NAALADL2: variants seen among roughly 807,000 people sequenced by gnomAD.
NAALADL2 encodes inactive N-acetylated-alpha-linked acidic dipeptidase-like protein 2.
In NAALADL2, 76 loss-of-function variants were observed where a neutral mutation model predicts 87.2. That is an observed-to-expected ratio of 0.87 (90% CI 0.72 to 1.05). The LOEUF (loss-of-function observed/expected upper bound fraction) is 1.05, where lower values mean the gene tolerates loss of function less well. Ranked by LOEUF, NAALADL2 falls within the 50% of genes least tolerant of loss-of-function variation. The probability of loss-of-function intolerance (pLI) is 0.00; values close to 1 mark genes in which losing one functional copy is unlikely to be tolerated. For synonymous variants in NAALADL2, 354 were observed against 331.0 expected (o/e 1.07, Z -0.75); for missense variants, 1,089 against 945.8 (o/e 1.15, Z -1.99).
intron 5 of NAALADL2, among the ~76,000 whole-genome samples, chr3:175,353,107 A>AAT (rs939017767): frequency 8.1e-6 from 1 of 123,878 alleles, no homozygotes; most frequent in Non-Finnish European, 1.8e-5. Flanking sequence ...CATTTAATAA[A>AAT]ATGTGTGTGT....
At chr3:175,173,915 T>C (rs1268798389) in intron 2 of NAALADL2, among the ~76,000 whole-genome samples, 1 of 152,208 alleles carries the variant, frequency 6.6e-6, no homozygotes, top group Non-Finnish European at 1.5e-5. Flanking sequence ...AATATTTTAA[T>C]AACAGACTTG....
At chr3:174,586,494 G>C (rs1285841747) in intron 2 of NAALADL2, among the ~76,000 whole-genome samples, 1 of 152,122 alleles carries the variant, frequency 6.6e-6, no homozygotes, top group Non-Finnish European at 1.5e-5. Context: ...GAGACCACAG[G>C]GTTTACTAAG....
chr3:175,157,540 C>T (rs1422829479), intron 2 of NAALADL2, among the ~76,000 whole-genome samples: 1 of 152,040 alleles, frequency 6.6e-6, no homozygotes, highest in Non-Finnish European at 1.5e-5. Flanking sequence ...AATTAAACAA[C>T]TCTGAATTAG....
chr3:174,890,164 G>C (rs895747401), intron 1 of NAALADL2, among the ~76,000 whole-genome samples: 1 of 146,294 alleles, frequency 6.8e-6, no homozygotes, highest in Non-Finnish European at 1.5e-5. Flanking sequence ...TAATGAAATA[G>C]ATTATGTATA....
intron 3 of NAALADL2, among the ~76,000 whole-genome samples, chr3:174,839,352 A>T (rs1723744112): frequency 6.6e-6 from 1 of 152,214 alleles, no homozygotes. Flanking sequence ...CTCAAGATGG[A>T]TCAAGGACTT....
intron 13 of NAALADL2, among the ~76,000 whole-genome samples, chr3:175,766,456 G>A (rs1015054158): frequency 2.6e-5 from 4 of 152,022 alleles, no homozygotes; most frequent in Admixed American, 2.6e-4. Context: ...AGATAAACTA[G>A]TGAATCTCTA....
chr3:174,547,643 T>C (rs946571390), intron 1 of NAALADL2, among the ~76,000 whole-genome samples: 2 of 152,144 alleles, frequency 1.3e-5, no homozygotes, highest in African/African-American at 4.8e-5. Context: ...TTTTATTCCT[T>C]AGGTCCATAT....
chr3:174,784,203 A>G (rs1560222199), intron 3 of NAALADL2, among the ~76,000 whole-genome samples: 1 of 152,312 alleles, frequency 6.6e-6, no homozygotes, highest in East Asian at 1.9e-4. Context: ...ATAATATCAC[A>G]CACTTCTATA....
chr3:174,659,091 T>A (rs1725255888), intron 2 of NAALADL2, among the ~76,000 whole-genome samples: 1 of 152,180 alleles, frequency 6.6e-6, no homozygotes, highest in African/African-American at 2.4e-5. Flanking sequence ...AATGTTTATA[T>A]CCTTACTTGG....
intron 4 of NAALADL2, among the ~76,000 whole-genome samples, chr3:175,273,534 T>G (rs1378985623): frequency 6.6e-6 from 1 of 152,152 alleles, no homozygotes; most frequent in Non-Finnish European, 1.5e-5. Context: ...AGTTTATGTA[T>G]TATACGTTCT....
intron 3 of NAALADL2, among the ~76,000 whole-genome samples, chr3:174,775,781 A>G (rs1405155695): frequency 6.6e-6 from 1 of 152,088 alleles, no homozygotes; most frequent in East Asian, 1.9e-4. Flanking sequence ...TTGCCCTGAT[A>G]ATAAGGTGAC....
intron 1 of NAALADL2, among the ~76,000 whole-genome samples, chr3:174,905,115 A>G (rs540817296): frequency 6.6e-6 from 1 of 152,002 alleles, no homozygotes; most frequent in South Asian, 2.1e-4. Flanking sequence ...CGTAATGATC[A>G]GTATTTCAAA....
chr3:175,710,893 A>G lies in NAALADL2; in HGVS notation c.1897-26413A>G, dbSNP rs1740444203. ...TACATGTAGTTGATCAGGGAAAATTATCCCATCATTTTGTTATTTTGTTGT... is the reference window on the plus strand; with the variant it reads ...TACATGTAGTTGATCAGGGAAAATTGTCCCATCATTTTGTTATTTTGTTGT... On this transcript the variant is annotated intron_variant, in intron 11 of 13. Coordinates refer to ENST00000454872, the MANE Select transcript of NAALADL2 (RefSeq NM_207015.3). 2.6e-5 allele frequency among the ~76,000 whole-genome samples: 4 copies of G among 152,058 alleles called. No individual in the cohort carries two copies. The South Asian group carries it at 6.2e-4, about 24-fold the overall frequency.
intron 1 of NAALADL2, among the ~76,000 whole-genome samples, chr3:174,492,744 G>A (rs1375779841): frequency 1.3e-5 from 2 of 152,166 alleles, no homozygotes; most frequent in Non-Finnish European, 2.9e-5. Context: ...TTCCAACAGT[G>A]CTCATTACTA....
intron 5 of NAALADL2, among the ~76,000 whole-genome samples, chr3:175,408,743 A>C (rs1164493189): frequency 6.6e-6 from 1 of 152,030 alleles, no homozygotes; most frequent in Non-Finnish European, 1.5e-5. Context: ...TATTGTCATT[A>C]TCAAAATCCT....
chr3:175,327,035 A>G (rs1273100921), intron 5 of NAALADL2, among the ~76,000 whole-genome samples: 2 of 152,166 alleles, frequency 1.3e-5, no homozygotes, highest in Non-Finnish European at 2.9e-5. Context: ...ATTTAGAACA[A>G]CCCAAAATAC....
chr3:175,699,330 C>T (rs921927840), intron 11 of NAALADL2, among the ~76,000 whole-genome samples: 1 of 151,688 alleles, frequency 6.6e-6, no homozygotes, highest in Non-Finnish European at 1.5e-5. Context: ...TCCTATTATC[C>T]ATATAGATGA....
At chr3:174,842,417 G>A (rs1040437904) in intron 3 of NAALADL2, among the ~76,000 whole-genome samples, 1 of 152,048 alleles carries the variant, frequency 6.6e-6, no homozygotes, top group African/African-American at 2.4e-5. Context: ...CACTCGTTTT[G>A]GGAGACTATG....
chr3:174,813,296 CATA>C (rs1455021987), intron 3 of NAALADL2, among the ~76,000 whole-genome samples: 1 of 152,042 alleles, frequency 6.6e-6, no homozygotes, highest in Non-Finnish European at 1.5e-5. Flanking sequence ...CAAAAAATCT[CATA>C]ATGTTTTAAG....
Sources: gnomAD v4.1 joint callset for allele counts (sites outside exome capture counted in the v4.1 genomes callset) on GRCh38, gnomAD v4.1.1 for gene constraint, MANE v1.5 for transcripts, NCBI Gene and HGNC (gene_info 2026-07-23, HGNC 2026-07-21) for gene names.